Variants in PRPF31 observed in about 807,000 individuals in gnomAD.
The protein encoded by PRPF31 is pre-mRNA processing factor 31, also known as U4/U6 small nuclear ribonucleoprotein Prp31.
PRPF31 carries 12 observed loss-of-function variants against 60.4 expected under a neutral mutation model. The ratio of observed to expected loss-of-function variants is 0.20; its 90% CI spans 0.13 to 0.32. PRPF31 has a LOEUF of 0.32. PRPF31 is among the 10% of genes least tolerant of loss of function. The probability of loss-of-function intolerance (pLI) is 1.00; values close to 1 mark genes in which losing one functional copy is unlikely to be tolerated. For missense variants in PRPF31, 431 were observed against 687.1 expected (o/e 0.63, Z 4.17); for synonymous variants, 287 against 287.9 (o/e 1.00, Z 0.03).
intron 11 of PRPF31, 53 bp downstream of exon 11, chr19:54,128,430 C>T: frequency 6.7e-7 from 1 of 1,497,512 alleles, no homozygotes; most frequent in Admixed American, 2.0e-5. Flanking sequence ...GCCGCCACCG[C>T]CCTCTGCCTC....
In PRPF31 at chr19:54,122,591, C is replaced by A. The variant is rs1253042816; in HGVS notation, c.417C>A (p.Val139=). The A allele has an allele frequency of 3.1e-6, 5 of 1,613,556 alleles. No individual in the cohort carries two copies. In the Admixed American group the frequency reaches 8.3e-5, roughly 27 times the overall value. The change falls in exon 5 of 14, where the codon GTC becomes GTA. Residue 139 remains valine (V), a synonymous_variant. Transcript: ENST00000321030. ...ATGCACTGGATTACATCCGCACGGT[C>A]AAGGTGAGCGCAGAGAAGGTGGGGT... ...VPNALDYIRT[V]KELGNSLDKC...
rs2073837204 is a variant in PRPF31 at position 54,123,246 on chromosome 19, A to G, written c.421-208A>G. The G allele has an allele frequency of 6.4e-6, 4 of 620,984 alleles. No individual in the cohort carries two copies. In the South Asian group the frequency reaches 7.5e-5, roughly 12 times the overall value. The allele number at this position is 620,984 out of a possible 1,614,324, so 38.5% of individuals were successfully genotyped here. On this transcript the variant is annotated intron_variant, in intron 5 of 13. Transcript: ENST00000321030. ...CCGGGCTCCGTTTCCAGGTCAGCGA[A>G]AGCAGGGCAGATGGTGTGGATGCTT... is the stretch of plus-strand genomic sequence containing the variant.
At chr19:54,121,303 CAAAA>C (rs587751948) in intron 3 of PRPF31, among the ~76,000 whole-genome samples, 4 of 122,480 alleles carry the variant, frequency 3.3e-5, no homozygotes, top group Admixed American at 8.1e-5. Context: ...AATTATGTCT[CAAAA>C]AAAAAAAAAA....
rs2073699529 is a variant in PRPF31 at position 54,118,263 on chromosome 19, C to T, written c.-8-8C>T. 1 of 1,612,292 alleles carries T rather than the reference C, an allele frequency of 6.2e-7. No homozygotes were observed. Among genetic ancestry groups the T allele is most frequent in the South Asian group, 1.1e-5 (1 of 91,004 alleles). On this transcript the variant is annotated splice_region_variant and splice_polypyrimidine_tract_variant and intron_variant, in intron 1 of 13. Transcript: ENST00000321030. ...AAGTTTTTAGGGAACGCTGCTGTCCCTCCCCAGGCCTCGGGATGTCTCTGG... is the reference window on the plus strand; with the variant it reads ...AAGTTTTTAGGGAACGCTGCTGTCCTTCCCCAGGCCTCGGGATGTCTCTGG...
At chr19:54,126,669 G>A in intron 9 of PRPF31, 52 bp downstream of exon 9, 1 of 1,545,020 alleles carries the variant, frequency 6.5e-7, no homozygotes. Context: ...CTGGGCCTGG[G>A]GTGTCTCTGC....
intron 8 of PRPF31, 73 bp from the exon 9 acceptor site, chr19:54,126,455 C>T (rs899294828): frequency 3.5e-5 from 49 of 1,418,256 alleles, no homozygotes; most frequent in South Asian, 1.6e-4. Flanking sequence ...AGGAGGAGCG[C>T]GCGCGGTTGC....
At chr19:54,122,929 G>A in intron 5 of PRPF31, 1 of 504,256 alleles carries the variant, frequency 2.0e-6, no homozygotes. Flanking sequence ...TAAGTGCAGA[G>A]AGCTGGAGAG....
At chr19:54,124,702 T>C (rs746944297) in intron 8 of PRPF31, 46 bp downstream of exon 8, 1 of 1,594,120 alleles carries the variant, frequency 6.3e-7, no homozygotes, top group Non-Finnish European at 8.5e-7. Flanking sequence ...CCCTGGAGCC[T>C]TCCGCTGTGC....
At position 54,118,311 on chromosome 19, in the gene PRPF31, C is replaced by A. The variant is rs760236177; in HGVS notation, c.33C>A (p.Leu11=). The A allele has an allele frequency of 6.2e-7, 1 of 1,613,212 alleles. No homozygotes were observed. The highest frequency in any genetic ancestry group is 8.5e-7 in the Non-Finnish European group (1 of 1,179,996). The change falls in exon 2 of 14, where the codon CTC becomes CTA. Residue 11 remains leucine, a synonymous_variant. Coordinates refer to ENST00000321030, the MANE Select transcript of PRPF31 (RefSeq NM_015629.4). MSLADELLAD[L]EEAAEEEEGG... ...TGGCAGATGAGCTCTTAGCTGATCT[C>A]GAAGAGGCAGCAGAAGAGGAGGAAG... is the stretch of plus-strand genomic sequence containing the variant.
At chr19:54,131,027 T>A (rs1288896051) in intron 13 of PRPF31, among the ~76,000 whole-genome samples, 2 of 152,214 alleles carry the variant, frequency 1.3e-5, no homozygotes, top group Non-Finnish European at 2.9e-5. Flanking sequence ...AGTTTCCTTA[T>A]GCAGAAACTG....
In PRPF31 at chr19:54,118,634, G is replaced by C. The variant is rs779270349; in HGVS notation, c.238+1G>C. On this transcript the variant is annotated splice_donor_variant, in intron 3 of 13. Coordinates refer to ENST00000321030, the MANE Select transcript of PRPF31 (RefSeq NM_015629.4). LOFTEE classifies it high-confidence loss of function. ...AGCAAGCAAGCCAAAGCTTCAGAAG[G>C]TGCTTCCTCCCACTCTGTGCCCCTC... 1 of 1,614,046 alleles carries C rather than the reference G, an allele frequency of 6.2e-7. No individual in the cohort carries two copies. Among genetic ancestry groups the C allele is most frequent in the Non-Finnish European group, 8.5e-7 (1 of 1,180,006 alleles).
At chr19:54,124,783 G>T in intron 8 of PRPF31, 127 bp downstream of exon 8, 4 of 1,155,548 alleles carry the variant, frequency 3.5e-6, no homozygotes, top group Non-Finnish European at 5.0e-6. Flanking sequence ...GGAACAGGGT[G>T]GCATGGGACG....
At chr19:54,117,157 T>C (rs926038761) in intron 1 of PRPF31, among the ~76,000 whole-genome samples, 2 of 152,014 alleles carry the variant, frequency 1.3e-5, no homozygotes, top group Admixed American at 6.6e-5. Context: ...TACAAGGGAC[T>C]CCTGTACAAA....
At chr19:54,124,394 A>G in intron 7 of PRPF31, 105 bp from the exon 8 acceptor site, 1 of 1,078,534 alleles carries the variant, frequency 9.3e-7, no homozygotes, top group Non-Finnish European at 1.4e-6. Flanking sequence ...CCAGAACTTC[A>G]TGTAAAGGTG....
chr19:54,124,069 C>T lies in PRPF31; in HGVS notation c.697+151C>T. Reference sequence around the variant, plus strand: ...ATCACAGAGGTCAGCCAGCCTGGCACACAGCAAAGCCTCATCTGTGGGAAA... The same window carrying T: ...ATCACAGAGGTCAGCCAGCCTGGCATACAGCAAAGCCTCATCTGTGGGAAA... On this transcript the variant is annotated intron_variant, in intron 7 of 13. Transcript: ENST00000321030. The T allele has an allele frequency of 2.1e-6, 3 of 1,453,412 alleles. No homozygotes were observed. The South Asian group carries it at 4.1e-5, about 20-fold the overall frequency. The allele number at this position is 1,453,412 out of a possible 1,614,324, so 90.0% of individuals were successfully genotyped here.
intron 5 of PRPF31, chr19:54,122,872 AG>A: frequency 1.8e-6 from 1 of 571,322 alleles, no homozygotes. Flanking sequence ...TGACATCCGA[AG>A]GTTGACACAG....
intron 1 of PRPF31, among the ~76,000 whole-genome samples, chr19:54,117,459 G>GCCAACA (rs2073676201): frequency 6.6e-6 from 1 of 152,188 alleles, no homozygotes; most frequent in African/African-American, 2.4e-5. Context: ...GCATGGGCTG[G>GCCAACA]TGTCAAGTCA....
intron 9 of PRPF31, among the ~76,000 whole-genome samples, chr19:54,126,841 G>C (rs2073934054): frequency 6.6e-6 from 1 of 152,188 alleles, no homozygotes; most frequent in East Asian, 1.9e-4. Context: ...TTAAAACAGT[G>C]CAGGTGTGGC....
chr19:54,124,490 C>T lies in PRPF31; in HGVS notation c.698-9C>T. On this transcript the variant is annotated splice_polypyrimidine_tract_variant and intron_variant, in intron 7 of 13. Transcript: ENST00000321030. ...ACCGCCCCCCCTTCCTCCCTCCCTC[C>T]CACCGCAGGTGTGGCCGGCGGCCTG... The T allele has an allele frequency of 6.3e-7, 1 of 1,597,554 alleles. No individual in the cohort carries two copies.
Sources: allele counts gnomAD v4.1 joint callset (sites outside exome capture counted in the v4.1 genomes callset), GRCh38; gene constraint gnomAD v4.1.1; transcripts MANE v1.5; gene names NCBI Gene and HGNC (gene_info 2026-07-23, HGNC 2026-07-21).